The following MCC variants were observed in gnomAD, a reference collection of about 807,000 sequenced individuals.
MCC encodes MCC regulator of Wnt signaling pathway.
In MCC, 90 loss-of-function variants were observed where a neutral mutation model predicts 116.2. The ratio of observed to expected loss-of-function variants is 0.77; its 90% CI spans 0.65 to 0.92. The LOEUF (loss-of-function observed/expected upper bound fraction) is 0.92. MCC is among the 40% of genes least tolerant of loss of function. The pLI is 0.00. For synonymous variants in MCC, 578 were observed against 510.5 expected, an observed-to-expected ratio of 1.13 and a Z score of -1.78; for missense variants, 1,516 against 1,312.2, an observed-to-expected ratio of 1.16 and a Z score of -2.40.
intron 3 of MCC, among the ~76,000 whole-genome samples, chr5:113,168,164 C>T (rs1055445185): frequency 3.9e-5 from 6 of 152,026 alleles, no homozygotes; most frequent in East Asian, 1.9e-4. Context: ...ATACCTAGTG[C>T]GATACTAAAC....
chr5:113,034,881 C>T (rs1056155783), intron 17 of MCC, among the ~76,000 whole-genome samples: 4 of 152,218 alleles, frequency 2.6e-5, no homozygotes, highest in African/African-American at 7.2e-5. Flanking sequence ...AGCCTGATTT[C>T]GTTCTGCTTC....
At chr5:113,287,861 C>T (rs1215977422) in intron 3 of MCC, among the ~76,000 whole-genome samples, 1 of 152,208 alleles carries the variant, frequency 6.6e-6, no homozygotes, top group Non-Finnish European at 1.5e-5. Context: ...CTCTAAGGTG[C>T]TTCCTTAAGA....
chr5:113,381,931 G>A (rs1769134941), intron 2 of MCC, among the ~76,000 whole-genome samples: 1 of 152,216 alleles, frequency 6.6e-6, no homozygotes, highest in African/African-American at 2.4e-5. Context: ...GTGTCAAGAA[G>A]TCCAAGAGAA....
intron 3 of MCC, among the ~76,000 whole-genome samples, chr5:113,339,624 A>G (rs576448113): frequency 6.6e-6 from 1 of 152,122 alleles, no homozygotes; most frequent in East Asian, 1.9e-4. Flanking sequence ...TATTTTGTAG[A>G]CTGTCATTTA....
rs150009463 is a variant in MCC, at chr5:113,043,760, G to T, written c.2656-130C>A. ...TGTGGGCACCGGGTGGCGCCCTCAG[G>T]TCATGCCAAAGGGGAAAGCCTGGCA... On this transcript the variant is annotated intron_variant, in intron 16 of 18. Transcript: ENST00000408903. The T allele has an allele frequency of 2.7e-4, 171 of 629,160 alleles. No individual in the cohort carries two copies. The East Asian group carries it at 4.8e-3, about 18-fold the overall frequency. 39.0% of individuals were successfully genotyped at this position (629,160 alleles called of 1,614,324 possible). A position where few individuals can be genotyped will look rare whatever the true frequency, so the allele number is the denominator to read the frequency against.
At chr5:113,417,623 C>T (rs971850879) in intron 1 of MCC, among the ~76,000 whole-genome samples, 1 of 152,112 alleles carries the variant, frequency 6.6e-6, no homozygotes, top group African/African-American at 2.4e-5. Context: ...TTCTTATGCA[C>T]AGGTGTAAGG....
chr5:113,273,812 G>C (rs1276737306), intron 3 of MCC, among the ~76,000 whole-genome samples: 2 of 151,826 alleles, frequency 1.3e-5, no homozygotes, highest in Admixed American at 6.6e-5. Context: ...CATATTAGAC[G>C]GGATGAGAAA....
At chr5:113,120,502 G>C (rs965084242) in intron 6 of MCC, among the ~76,000 whole-genome samples, 3 of 152,196 alleles carry the variant, frequency 2.0e-5, no homozygotes, top group African/African-American at 7.2e-5. Context: ...CTGGCTTCCA[G>C]AATACCACTC....
intron 3 of MCC, among the ~76,000 whole-genome samples, chr5:113,293,167 C>G (rs891277620): frequency 4.6e-5 from 7 of 152,104 alleles, no homozygotes; most frequent in African/African-American, 1.7e-4. Context: ...TTCACCAGCC[C>G]GACGGCAGAC....
rs139057039 is a variant in MCC at position 113,419,621 on chromosome 5, C to T, written c.171-34409G>A. ...CAATAGCAAAGACTTGGAACCAACC[C>T]AAATGTCCAACAATGATAGACTGGA... is the stretch of plus-strand genomic sequence containing the variant. On this transcript the variant is annotated intron_variant, in intron 1 of 18. Coordinates refer to ENST00000408903, the MANE Select transcript of MCC (RefSeq NM_001085377.2). 1.1e-4 allele frequency among the ~76,000 whole-genome samples: 16 copies of T among 151,866 alleles called. No homozygotes were observed. In the East Asian group the frequency reaches 1.7e-3, roughly 17 times the overall value.
At chr5:113,460,034 C>A (rs1175010744) in intron 1 of MCC, among the ~76,000 whole-genome samples, 1 of 152,172 alleles carries the variant, frequency 6.6e-6, no homozygotes. Flanking sequence ...TAAACTGAAG[C>A]AACATGAAGT....
In MCC at chr5:113,143,303, G is replaced by A. The variant is rs563599843; in HGVS notation, c.799C>T (p.Arg267Cys). The change falls in exon 5 of 19, where the codon CGC (arginine) becomes TGC (cysteine). Residue 267 changes from arginine to cysteine, a missense_variant. By Grantham distance (180) the Arg-to-Cys change is radical. Transcript: ENST00000408903. ...HEDVQERTTL[R>C]YEERITELHS... is the part of the protein sequence containing the mutation. ...AGCTCTGTGATGCGTTCCTCATAGC[G>A]AAGTGTCGTTCGCTCCTGGACATCC... 5.3e-5 allele frequency: 85 copies of A among 1,613,738 alleles called. No individual in the cohort carries two copies. The highest frequency in any genetic ancestry group is 5.5e-5 in the South Asian group (5 of 91,034).
chr5:113,217,515 CAG>C (rs1251137815), intron 3 of MCC, among the ~76,000 whole-genome samples: 1 of 148,966 alleles, frequency 6.7e-6, no homozygotes, highest in African/African-American at 2.6e-5. Context: ...GGGGCTAGAA[CAG>C]AGATACTTGA....
intron 3 of MCC, among the ~76,000 whole-genome samples, chr5:113,176,868 G>A (rs1761360988): frequency 6.6e-6 from 1 of 152,002 alleles, no homozygotes; most frequent in African/African-American, 2.4e-5. Flanking sequence ...CACCATTCTA[G>A]CTCAGGGTCC....
At chr5:113,471,278 GCT>G (rs1173318778) in intron 1 of MCC, among the ~76,000 whole-genome samples, 1 of 152,130 alleles carries the variant, frequency 6.6e-6, no homozygotes, top group East Asian at 1.9e-4. Flanking sequence ...CAGTTTTTCT[GCT>G]CTGTTTTTTT....
At chr5:113,307,991 A>C (rs1767032147) in intron 3 of MCC, among the ~76,000 whole-genome samples, 1 of 151,254 alleles carries the variant, frequency 6.6e-6, no homozygotes, top group Non-Finnish European at 1.5e-5. Flanking sequence ...TTTTTTTCTA[A>C]AGACAGAGTG....
chr5:113,454,465 T>C (rs1771486640), intron 1 of MCC, among the ~76,000 whole-genome samples: 1 of 152,178 alleles, frequency 6.6e-6, no homozygotes, highest in African/African-American at 2.4e-5. Flanking sequence ...CCAAGGCAGA[T>C]GGATGATTGC....
chr5:113,041,630 C>G (rs1207503483), intron 17 of MCC, among the ~76,000 whole-genome samples: 2 of 152,096 alleles, frequency 1.3e-5, no homozygotes, highest in Non-Finnish European at 2.9e-5. Flanking sequence ...TGATATGACC[C>G]AGCTGACAGC....
chr5:113,230,722 G>T (rs139648023), intron 3 of MCC, among the ~76,000 whole-genome samples: 1 of 152,148 alleles, frequency 6.6e-6, no homozygotes, highest in Non-Finnish European at 1.5e-5. Flanking sequence ...AATATGTGGT[G>T]CAATGAGGAA....
Sources: allele counts gnomAD v4.1 joint callset (sites outside exome capture counted in the v4.1 genomes callset), GRCh38; gene constraint gnomAD v4.1.1; transcripts MANE v1.5; gene names NCBI Gene and HGNC (gene_info 2026-07-23, HGNC 2026-07-21).